TRIM2: variants seen among roughly 807,000 people sequenced by gnomAD.
The protein encoded by TRIM2 is tripartite motif containing 2, also known as tripartite motif-containing protein 2.
Under a neutral mutation model 75.2 loss-of-function variants are expected in TRIM2, and 20 were observed. That is an observed-to-expected ratio of 0.27 (90% CI 0.19 to 0.39). The LOEUF (loss-of-function observed/expected upper bound fraction) is 0.39, where lower values mean the gene tolerates loss of function less well. Among genes scored for constraint, TRIM2 ranks in the 10% least tolerant of loss-of-function variants. The pLI is 1.00. For missense variants in TRIM2, 660 were observed against 990.8 expected (o/e 0.67, Z 4.48); for synonymous variants, 373 against 388.3 (o/e 0.96, Z 0.46).
intron 1 of TRIM2, among the ~76,000 whole-genome samples, chr4:153,225,229 T>C (rs1279661201): frequency 1.3e-5 from 2 of 152,222 alleles, no homozygotes; most frequent in South Asian, 4.1e-4. Context: ...ATATCAAATA[T>C]GTCTTAGATT....
At position 153,335,194 on chromosome 4, in the gene TRIM2, A is replaced by G. The variant is rs926487494; in HGVS notation, c.*228A>G. ...CTTCTACTGAATCTATAAAAACTGC[A>G]GTTTTACATCTGTGAACTATGGCTT... On this transcript the variant is annotated 3_prime_UTR_variant, in exon 12 of 12. Coordinates refer to ENST00000338700, the MANE Select transcript of TRIM2 (RefSeq NM_015271.5). 3 of 1,224,758 alleles carry G rather than the reference A, an allele frequency of 2.4e-6. No homozygotes were observed. In the African/African-American group the frequency reaches 4.6e-5, roughly 19 times the overall value. 75.9% of individuals were successfully genotyped at this position (1,224,758 alleles called of 1,614,324 possible). A position where few individuals can be genotyped will look rare whatever the true frequency, so the allele number is the denominator to read the frequency against.
intron 8 of TRIM2, among the ~76,000 whole-genome samples, chr4:153,318,193 C>T (rs1270781461): frequency 3.3e-5 from 5 of 152,174 alleles, no homozygotes; most frequent in Non-Finnish European, 1.5e-5. Flanking sequence ...TTTCATAATC[C>T]AATCTGGAAT....
intron 1 of TRIM2, among the ~76,000 whole-genome samples, chr4:153,243,470 T>C (rs1009299991): frequency 1.3e-5 from 2 of 152,214 alleles, no homozygotes; most frequent in Non-Finnish European, 2.9e-5. Flanking sequence ...AGTTACATCC[T>C]TGCTAGATCC....
chr4:153,196,275 A>AC (rs1560802222), intron 1 of TRIM2, among the ~76,000 whole-genome samples: 4 of 143,866 alleles, frequency 2.8e-5, no homozygotes, highest in African/African-American at 1.1e-4. Context: ...CCCCCCCCAC[A>AC]CACACACACA....
chr4:153,283,847 A>T (rs1759929724), intron 3 of TRIM2, among the ~76,000 whole-genome samples: 1 of 139,262 alleles, frequency 7.2e-6, no homozygotes, highest in Non-Finnish European at 1.5e-5. Flanking sequence ...CATCTTGGCC[A>T]GGATGGCCTT....
At chr4:153,287,980 G>A (rs1234111956) in intron 3 of TRIM2, among the ~76,000 whole-genome samples, 1 of 151,918 alleles carries the variant, frequency 6.6e-6, no homozygotes, top group Admixed American at 6.6e-5. Context: ...CAGACACTCA[G>A]TTTTTGTATT....
At chr4:153,325,691 T>C (rs1035913107) in intron 10 of TRIM2, among the ~76,000 whole-genome samples, 3 of 152,226 alleles carry the variant, frequency 2.0e-5, no homozygotes, top group East Asian at 1.9e-4. Flanking sequence ...GAGATCCTAA[T>C]AGTACAAAGG....
At chr4:153,279,243 A>G (rs1000599496) in intron 3 of TRIM2, among the ~76,000 whole-genome samples, 3 of 152,184 alleles carry the variant, frequency 2.0e-5, no homozygotes, top group African/African-American at 7.2e-5. Flanking sequence ...TCTGCCTCCC[A>G]CAAATAAAAA....
chr4:153,244,343 T>TCTTCCTCTTCC (rs1748022364), intron 1 of TRIM2, among the ~76,000 whole-genome samples: 1 of 31,884 alleles, frequency 3.1e-5, no homozygotes, highest in East Asian at 5.7e-4. Context: ...CTTCTTCTTC[T>TCTTCCTCTTCC]TCTTCTTCTT....
chr4:153,241,080 AAAAC>A (rs1277542440), intron 1 of TRIM2, among the ~76,000 whole-genome samples: 7 of 152,350 alleles, frequency 4.6e-5, no homozygotes, highest in African/African-American at 7.2e-5. Context: ...CCCTCTCAGA[AAAAC>A]AAACAAACAA....
At chr4:153,308,281 C>A (rs1765470544) in intron 6 of TRIM2, 1 of 1,548,700 alleles carries the variant, frequency 6.5e-7, no homozygotes, top group Admixed American at 1.7e-5. Context: ...CCAGATGTGT[C>A]CGAAATAATG....
At chr4:153,184,178 G>A (rs1038322327) in intron 1 of TRIM2, among the ~76,000 whole-genome samples, 7 of 152,102 alleles carry the variant, frequency 4.6e-5, no homozygotes, top group African/African-American at 1.7e-4. Flanking sequence ...AAATACCATG[G>A]ACTGGGTGTC....
chr4:153,275,060 G>A (rs1014954676), intron 2 of TRIM2, among the ~76,000 whole-genome samples: 2 of 152,178 alleles, frequency 1.3e-5, no homozygotes, highest in African/African-American at 2.4e-5. Flanking sequence ...CTTAGATTAT[G>A]GTGCCAAACT....
At chr4:153,199,048 C>A (rs1317951748) in intron 1 of TRIM2, among the ~76,000 whole-genome samples, 1 of 152,182 alleles carries the variant, frequency 6.6e-6, no homozygotes, top group Admixed American at 6.5e-5. Flanking sequence ...CCTCTGTAAT[C>A]ATTTTGTTTA....
rs1002113626 is a variant in TRIM2 at position 153,248,303 on chromosome 4, G to C, written c.31-22032G>C. Among the ~76,000 whole-genome samples, 2 of 152,154 alleles carry C rather than the reference G, an allele frequency of 1.3e-5. No homozygotes were observed. Among genetic ancestry groups the C allele is most frequent in the African/African-American group, 4.8e-5 (2 of 41,454 alleles). On this transcript the variant is annotated intron_variant, in intron 1 of 11. Coordinates refer to ENST00000338700, the MANE Select transcript of TRIM2 (RefSeq NM_015271.5). This position sits in a 1 kb window ranked among gnomAD's most constrained non-coding sequence, Gnocchi z 4.0. ...GAGCCACCGCACCCGGCCTAGATCA[G>C]GTTCTTTACATAGACTAAACAAACC...
chr4:153,328,895 A>G (rs1770838440), intron 11 of TRIM2, among the ~76,000 whole-genome samples: 1 of 152,164 alleles, frequency 6.6e-6, no homozygotes, highest in Admixed American at 6.5e-5. Flanking sequence ...ACAGACCCCC[A>G]CAAAGGGTCT....
intron 1 of TRIM2, among the ~76,000 whole-genome samples, chr4:153,208,820 C>T (rs1231537761): frequency 1.3e-5 from 2 of 152,138 alleles, no homozygotes; most frequent in Non-Finnish European, 2.9e-5. Flanking sequence ...CTAGATGATG[C>T]TCCAGAGGAT....
intron 1 of TRIM2, among the ~76,000 whole-genome samples, chr4:153,188,662 C>T (rs1157445106): frequency 6.6e-6 from 1 of 151,790 alleles, no homozygotes; most frequent in African/African-American, 2.4e-5. Context: ...GGCACAGTGG[C>T]TCATGCCTAT....
intron 1 of TRIM2, among the ~76,000 whole-genome samples, chr4:153,250,282 G>A (rs890096512): frequency 1.3e-5 from 2 of 152,130 alleles, no homozygotes; most frequent in Admixed American, 1.3e-4. Flanking sequence ...ACCATGCCTG[G>A]CTAATTTATG....
Sources: gnomAD v4.1 joint callset for allele counts (sites outside exome capture counted in the v4.1 genomes callset) on GRCh38, gnomAD v4.1.1 for gene constraint, Gnocchi (gnomAD v3.1) non-coding constraint, MANE v1.5 for transcripts, NCBI Gene and HGNC (gene_info 2026-07-23, HGNC 2026-07-21) for gene names.